EPB41L2: variants seen among roughly 807,000 people sequenced by gnomAD.
EPB41L2 encodes the protein erythrocyte membrane protein band 4.1 like 2, also known as band 4.1-like protein 2.
Under a neutral mutation model 113.0 loss-of-function variants are expected in EPB41L2, and 43 were observed. The ratio of observed to expected loss-of-function variants is 0.38; its 90% CI spans 0.30 to 0.49. The LOEUF is 0.49. Among genes scored for constraint, EPB41L2 ranks in the 20% least tolerant of loss-of-function variants. The pLI is 0.95. For synonymous variants in EPB41L2, 442 were observed against 436.7 expected (o/e 1.01, Z -0.15); for missense variants, 1,147 against 1,223.4 (o/e 0.94, Z 0.93).
At chr6:130,982,386 A>G (rs1396169162) in intron 1 of EPB41L2, among the ~76,000 whole-genome samples, 1 of 152,210 alleles carries the variant, frequency 6.6e-6, no homozygotes, top group Non-Finnish European at 1.5e-5. Flanking sequence ...TTAAATATAT[A>G]ACAGTTGCAG....
intron 1 of EPB41L2, among the ~76,000 whole-genome samples, chr6:130,968,299 C>A (rs1188276333): frequency 6.6e-6 from 1 of 152,146 alleles, no homozygotes; most frequent in African/African-American, 2.4e-5. Context: ...ATCAACTCCC[C>A]CACACTATGA....
chr6:130,922,962 T>C (rs1283221369), intron 4 of EPB41L2, among the ~76,000 whole-genome samples: 1 of 152,190 alleles, frequency 6.6e-6, no homozygotes, highest in Non-Finnish European at 1.5e-5. Context: ...AATTCATTTA[T>C]TTACTTGCTC....
intron 8 of EPB41L2, among the ~76,000 whole-genome samples, chr6:130,899,282 T>C (rs1024498662): frequency 3.3e-5 from 5 of 151,752 alleles, no homozygotes; most frequent in African/African-American, 1.2e-4. Flanking sequence ...TTAAAAAGAC[T>C]GGGAAAACAA....
chr6:130,990,734 T>C (rs1256950348), intron 1 of EPB41L2, among the ~76,000 whole-genome samples: 1 of 152,152 alleles, frequency 6.6e-6, no homozygotes, highest in East Asian at 1.9e-4. Flanking sequence ...AAAGATCTCA[T>C]AATAATACGA....
intron 1 of EPB41L2, among the ~76,000 whole-genome samples, chr6:131,054,476 G>A (rs560960174): frequency 7.2e-5 from 11 of 152,238 alleles, no homozygotes; most frequent in African/African-American, 2.4e-4. Context: ...CCTCCAAGTT[G>A]GTGCAAGTCC....
intron 1 of EPB41L2, among the ~76,000 whole-genome samples, chr6:130,964,825 G>A (rs1314066581): frequency 6.6e-6 from 1 of 152,106 alleles, no homozygotes; most frequent in Non-Finnish European, 1.5e-5. Context: ...TACAGATGAA[G>A]AAGGTAAAAA....
chr6:130,880,675 A>T (rs1172605784), intron 12 of EPB41L2: 1 of 415,562 alleles, frequency 2.4e-6, no homozygotes, highest in Non-Finnish European at 4.2e-6. Flanking sequence ...TGTTGTACGA[A>T]TGATGGAAAT....
intron 1 of EPB41L2, among the ~76,000 whole-genome samples, chr6:130,985,295 TG>T (rs60134548): frequency 2.6e-5 from 4 of 151,824 alleles, no homozygotes; most frequent in African/African-American, 4.8e-5. Context: ...CAGCCACATT[TG>T]GGGGGGGACT....
intron 4 of EPB41L2, 28 bp from the exon 5 acceptor site, chr6:130,908,891 A>G: frequency 6.5e-7 from 1 of 1,548,522 alleles, no homozygotes; most frequent in Non-Finnish European, 8.9e-7. Flanking sequence ...ATTAATTCAT[A>G]AGAAATATTC....
intron 19 of EPB41L2, among the ~76,000 whole-genome samples, chr6:130,845,888 G>C (rs930772643): frequency 4.6e-5 from 7 of 152,198 alleles, no homozygotes; most frequent in African/African-American, 1.7e-4. Flanking sequence ...TAGAGGAAAA[G>C]CATCTATGGG....
chr6:131,061,345 G>GT (rs2128210524), intron 1 of EPB41L2, among the ~76,000 whole-genome samples: 1 of 152,290 alleles, frequency 6.6e-6, no homozygotes, highest in Admixed American at 6.5e-5. Context: ...ATTACCACTT[G>GT]TACAGTTCTC....
chr6:130,884,361 A>G (rs1790252830), intron 12 of EPB41L2, among the ~76,000 whole-genome samples: 1 of 152,158 alleles, frequency 6.6e-6, no homozygotes, highest in Admixed American at 6.6e-5. Context: ...ATAAAATAGA[A>G]AACACTATGA....
chr6:130,883,574 C>G (rs987791829), intron 12 of EPB41L2, among the ~76,000 whole-genome samples: 5 of 152,102 alleles, frequency 3.3e-5, no homozygotes, highest in African/African-American at 1.2e-4. Flanking sequence ...AGAACTTTTT[C>G]ATTTTTTAAG....
intron 6 of EPB41L2, among the ~76,000 whole-genome samples, chr6:130,903,964 T>C (rs371410640): frequency 6.0e-4 from 91 of 152,322 alleles, no homozygotes; most frequent in Middle Eastern, 6.8e-3. Flanking sequence ...TCCAAGGAGA[T>C]GGAAATGAAC....
At chr6:130,872,400 A>C in intron 14 of EPB41L2, 1 of 1,289,276 alleles carries the variant, frequency 7.8e-7, no homozygotes, top group East Asian at 5.6e-5. Flanking sequence ...GGCGAGGAAG[A>C]AAGCTTTTCA....
chr6:131,050,137 G>A (rs1384790171), intron 1 of EPB41L2, among the ~76,000 whole-genome samples: 1 of 152,164 alleles, frequency 6.6e-6, no homozygotes, highest in Non-Finnish European at 1.5e-5. Flanking sequence ...TCAGGAGTTT[G>A]AGACCAGCCT....
At chr6:130,908,027 C>T (rs17059810) in intron 5 of EPB41L2, among the ~76,000 whole-genome samples, 1 of 152,144 alleles carries the variant, frequency 6.6e-6, no homozygotes, top group South Asian at 2.1e-4. Flanking sequence ...CCTACCTTCT[C>T]TGCTTCAGTC....
At chr6:130,855,429 T>C (rs1779927022) in intron 19 of EPB41L2, among the ~76,000 whole-genome samples, 1 of 152,172 alleles carries the variant, frequency 6.6e-6, no homozygotes, top group Non-Finnish European at 1.5e-5. Context: ...TACAGCACAG[T>C]ACATTTACTC....
At chr6:130,937,430 T>TG (rs1340877010) in intron 3 of EPB41L2, among the ~76,000 whole-genome samples, 11 of 152,180 alleles carry the variant, frequency 7.2e-5, no homozygotes, top group Non-Finnish European at 1.0e-4. Flanking sequence ...CTACATCCCA[T>TG]GGTGTATATG....
Sources: allele counts gnomAD v4.1 joint callset (sites outside exome capture counted in the v4.1 genomes callset), GRCh38; gene constraint gnomAD v4.1.1; transcripts MANE v1.5; gene names NCBI Gene and HGNC (gene_info 2026-07-23, HGNC 2026-07-21).